The following OTOA variants were observed in gnomAD, a reference collection of about 807,000 sequenced individuals.
OTOA encodes otoancorin, also known as cancer/testis antigen 108.
OTOA carries 70 observed loss-of-function variants against 110.8 expected under a neutral mutation model. The ratio of observed to expected loss-of-function variants is 0.63; its 90% confidence interval spans 0.52 to 0.77. The LOEUF (loss-of-function observed/expected upper bound fraction) is 0.77, where lower values mean the gene tolerates loss of function less well. OTOA is among the 30% of genes least tolerant of loss of function. The probability of loss-of-function intolerance (pLI) is 0.00; values close to 1 mark genes in which losing one functional copy is unlikely to be tolerated. For missense variants in OTOA, 917 were observed against 1,075.8 expected, an observed-to-expected ratio of 0.85 and a Z score of 2.06; for synonymous variants, 373 against 431.5, an observed-to-expected ratio of 0.86 and a Z score of 1.68.
At position 21,714,790 on chromosome 16, in the gene OTOA, G is replaced by A. The variant is rs892303795; in HGVS notation, c.1321-195G>A. ...CTCTCAAAGTGCTGGGATTACAGGCGTGAGCCACCATGCCTGGCCAACTCT... is the reference window on the plus strand; with the variant it reads ...CTCTCAAAGTGCTGGGATTACAGGCATGAGCCACCATGCCTGGCCAACTCT... On this transcript the variant is annotated intron_variant, in intron 13 of 28. Coordinates refer to ENST00000646100, the MANE Select transcript of OTOA (RefSeq NM_144672.4). 4.6e-5 allele frequency among the ~76,000 whole-genome samples: 7 copies of A among 152,102 alleles called. No homozygotes were observed. In the East Asian group the frequency reaches 1.2e-3, roughly 25 times the overall value.
At chr16:21,732,244 C>T (rs539014110) in intron 21 of OTOA, among the ~76,000 whole-genome samples, 5 of 152,352 alleles carry the variant, frequency 3.3e-5, no homozygotes, top group Admixed American at 6.5e-5. Flanking sequence ...GGATTACAGG[C>T]GTGAGCCACC....
intron 1 of OTOA, 106 bp from the exon 2 acceptor site, chr16:21,678,405 T>A: frequency 1.5e-6 from 1 of 673,298 alleles, no homozygotes; most frequent in Non-Finnish European, 2.3e-6. Context: ...CTTCTGAATG[T>A]CCATATATAT....
At chr16:21,702,644 A>G (rs1898075615) in intron 11 of OTOA, among the ~76,000 whole-genome samples, 1 of 152,170 alleles carries the variant, frequency 6.6e-6, no homozygotes. Context: ...CACTTGACAC[A>G]TAGTAAGTGC....
intron 11 of OTOA, among the ~76,000 whole-genome samples, chr16:21,702,881 G>C (rs1170140232): frequency 6.6e-6 from 1 of 152,058 alleles, no homozygotes; most frequent in Admixed American, 6.5e-5. Context: ...TCACCATGTT[G>C]GCCAGGATGG....
At chr16:21,691,736 T>C in intron 9 of OTOA, 49 bp downstream of exon 9, 3 of 1,464,964 alleles carry the variant, frequency 2.0e-6, no homozygotes, top group Non-Finnish European at 2.9e-6. Context: ...AAGAATATCT[T>C]CAGAAGAGGT....
chr16:21,669,954 C>T (rs753374600), intron 1 of OTOA, among the ~76,000 whole-genome samples: 14 of 151,924 alleles, frequency 9.2e-5, no homozygotes, highest in Non-Finnish European at 1.8e-4. Context: ...GGTGAAATCT[C>T]GTCTCTACCA....
At chr16:21,685,862 A>AT (rs1897702684) in intron 7 of OTOA, among the ~76,000 whole-genome samples, 2 of 152,030 alleles carry the variant, frequency 1.3e-5, no homozygotes, top group Non-Finnish European at 2.9e-5. Flanking sequence ...CCTAATTCAT[A>AT]TTTTTGTCAG....
intron 19 of OTOA, chr16:21,727,163 T>C (rs8061126): frequency 0.4 from 70,022 of 174,508 alleles, 14,543 homozygotes; most frequent in Middle Eastern, 0.49. Context: ...ACTACAGGTG[T>C]GTACCACTAC....
At chr16:21,718,749 T>C (rs1898633746) in intron 15 of OTOA, among the ~76,000 whole-genome samples, 1 of 152,128 alleles carries the variant, frequency 6.6e-6, no homozygotes, top group East Asian at 1.9e-4. Flanking sequence ...TCCTGGTTTA[T>C]TCTGGGATGC....
At chr16:21,718,318 G>T (rs1036987954) in intron 15 of OTOA, among the ~76,000 whole-genome samples, 12 of 152,074 alleles carry the variant, frequency 7.9e-5, no homozygotes, top group African/African-American at 2.7e-4. Flanking sequence ...TTTTGTCTCG[G>T]CCATTGAGCT....
chr16:21,691,769 T>C (rs1897834815), intron 9 of OTOA, 82 bp downstream of exon 9: 2 of 1,267,562 alleles, frequency 1.6e-6, no homozygotes, highest in Non-Finnish European at 2.3e-6. Context: ...AAAACATGGA[T>C]TTGATGTTGT....
intron 21 of OTOA, among the ~76,000 whole-genome samples, chr16:21,734,384 G>A (rs1899216517): frequency 1.3e-5 from 2 of 149,820 alleles, no homozygotes; most frequent in Non-Finnish European, 3.0e-5. Flanking sequence ...GTGAAAGGTG[G>A]GAGGAGGGAG....
At chr16:21,702,317 AC>A (rs917963526) in intron 11 of OTOA, among the ~76,000 whole-genome samples, 8 of 151,912 alleles carry the variant, frequency 5.3e-5, no homozygotes, top group Non-Finnish European at 1.0e-4. Context: ...ATCCCATATT[AC>A]CTTAAGGTTT....
chr16:21,719,764 A>G (rs1259943283), intron 17 of OTOA, among the ~76,000 whole-genome samples: 3 of 152,182 alleles, frequency 2.0e-5, no homozygotes, highest in Non-Finnish European at 4.4e-5. Context: ...AAGGGACAGT[A>G]TTTTGTGTGT....
Position 21,685,215 on chromosome 16 carries a change from A to T in OTOA, c.268-15A>T. On this transcript the variant is annotated splice_polypyrimidine_tract_variant and intron_variant, in intron 6 of 28. Transcript: ENST00000646100. ...CTTTCTGTTCTCACCGACTCTCCCA[A>T]CACCCCAAATACAGGCAGCCGTGGA... 1.9e-6 allele frequency: 3 copies of T among 1,610,848 alleles called. No individual in the cohort carries two copies. The highest frequency in any genetic ancestry group is 2.5e-6 in the Non-Finnish European group (3 of 1,178,126).
intron 8 of OTOA, among the ~76,000 whole-genome samples, chr16:21,688,562 G>A (rs550914896): frequency 4.6e-5 from 7 of 152,232 alleles, no homozygotes; most frequent in African/African-American, 1.4e-4. Context: ...TAAACAAGAA[G>A]CATTTATTTC....
intron 5 of OTOA, among the ~76,000 whole-genome samples, chr16:21,679,808 C>T (rs1966875004): frequency 6.6e-6 from 1 of 152,110 alleles, no homozygotes; most frequent in African/African-American, 2.4e-5. Flanking sequence ...ATGTAGTTCC[C>T]ATTGTTATCC....
Position 21,685,279 on chromosome 16 carries a change from T to A in OTOA, c.317T>A (p.Leu106Gln). The A allele has an allele frequency of 1.2e-6, 2 of 1,613,308 alleles. No individual in the cohort carries two copies. Among genetic ancestry groups the A allele is most frequent in the Non-Finnish European group, 1.7e-6 (2 of 1,179,492 alleles). Residue 106 changes from leucine to glutamine, a missense_variant, in exon 7 of 29, where the codon CTG becomes CAG. Physicochemically the swap from Leu to Gln is moderately radical, Grantham distance 113. Around this residue, in one of 6 missense-constraint regions of OTOA, gnomAD observed 840 missense variants for 910.2 expected, o/e 0.92. Transcript: ENST00000646100. Reference protein sequence around the residue: ...LEQRLHQPQKLLEDLRKTDAQ... With the variant: ...LEQRLHQPQKQLEDLRKTDAQ... ...CAGCGTCTGCACCAGCCCCAGAAGC[T>A]GCTGGAGGACCTGAGGAAGACAGAC...
At chr16:21,705,087 C>A (rs774869939) in intron 11 of OTOA, 82 bp from the exon 12 acceptor site, 2 of 1,607,882 alleles carry the variant, frequency 1.2e-6, no homozygotes, top group South Asian at 1.1e-5. Context: ...AAACAACTCA[C>A]CATTTTATTA....
Sources: allele counts gnomAD v4.1 joint callset (sites outside exome capture counted in the v4.1 genomes callset), GRCh38; gene constraint gnomAD v4.1.1; regional missense constraint gnomAD v4.1.1; transcripts MANE v1.5; gene names NCBI Gene and HGNC (gene_info 2026-07-23, HGNC 2026-07-21).